TNFAIP8: variants seen among roughly 807,000 people sequenced by gnomAD.
TNFAIP8 encodes tumor necrosis factor alpha-induced protein 8.
In TNFAIP8, 7 loss-of-function variants were observed where a neutral mutation model predicts 13.3. That is an observed-to-expected ratio of 0.52 (90% CI 0.30 to 0.99). TNFAIP8 has a LOEUF of 0.99. TNFAIP8 is among the 50% of genes least tolerant of loss of function. The pLI is 0.07. For synonymous variants in TNFAIP8, 94 were observed against 87.6 expected (o/e 1.07, Z -0.41); for missense variants, 258 against 236.9 (o/e 1.09, Z -0.58).
At chr5:119,312,025 A>G (rs1028522537) in intron 1 of TNFAIP8, among the ~76,000 whole-genome samples, 3 of 152,248 alleles carry the variant, frequency 2.0e-5, no homozygotes, top group Admixed American at 6.5e-5. Context: ...TATATTGACT[A>G]TGAAAGATAC....
intron 1 of TNFAIP8, among the ~76,000 whole-genome samples, chr5:119,310,099 C>T (rs542035927): frequency 6.6e-6 from 1 of 152,296 alleles, no homozygotes; most frequent in African/African-American, 2.4e-5. Flanking sequence ...GAGAGGTTTT[C>T]TTCCCCAAGG....
At position 119,392,195 on chromosome 5, in the gene TNFAIP8, A is replaced by G. The variant is rs939623923; in HGVS notation, c.32-621A>G. On this transcript the variant is annotated intron_variant, in intron 1 of 1. Coordinates refer to ENST00000504771, the MANE Select transcript of TNFAIP8 (RefSeq NM_014350.4). ...AGGTACTTAGGACAGCCAAATTGGT[A>G]GGCACTGGCCAATGTCTTGGGAAAT... is the stretch of plus-strand genomic sequence containing the variant. 1.4e-4 allele frequency among the ~76,000 whole-genome samples: 22 copies of G among 152,360 alleles called. No individual in the cohort carries two copies. The South Asian group carries it at 3.9e-3, about 27-fold the overall frequency.
chr5:119,369,053 TTC>T (rs67787537), intron 1 of TNFAIP8, among the ~76,000 whole-genome samples: 4,279 of 144,186 alleles, frequency 0.03, 195 homozygotes, highest in African/African-American at 0.11. Flanking sequence ...TTCTTTTCTT[TTC>T]TTTTTTTTTT....
At chr5:119,374,371 G>A (rs1752200956) in intron 1 of TNFAIP8, among the ~76,000 whole-genome samples, 1 of 152,212 alleles carries the variant, frequency 6.6e-6, no homozygotes, top group Admixed American at 6.5e-5. Flanking sequence ...AATTTGAGAT[G>A]CTCAACCTGT....
intron 1 of TNFAIP8, among the ~76,000 whole-genome samples, chr5:119,302,448 T>A (rs907996652): frequency 6.6e-6 from 1 of 152,212 alleles, no homozygotes; most frequent in African/African-American, 2.4e-5. Flanking sequence ...TGTTTTCAGC[T>A]AGTCACTGGG....
intron 1 of TNFAIP8, among the ~76,000 whole-genome samples, chr5:119,342,971 C>T (rs965896675): frequency 2.7e-4 from 41 of 152,294 alleles, no homozygotes; most frequent in African/African-American, 9.4e-4. Context: ...GATGTTAGTT[C>T]TTAACTTAAA....
At chr5:119,289,721 C>G (rs888768) in intron 1 of TNFAIP8, among the ~76,000 whole-genome samples, 133,735 of 152,118 alleles carry the variant, frequency 0.88, 58,870 homozygotes, top group East Asian at 0.96. Context: ...TTTACCACCT[C>G]TGACACTTTG....
chr5:119,289,811 T>C (rs1395426803), intron 1 of TNFAIP8, among the ~76,000 whole-genome samples: 1 of 152,242 alleles, frequency 6.6e-6, no homozygotes, highest in East Asian at 1.9e-4. Context: ...GAGATCTCTC[T>C]ATATTTTTGG....
intron 1 of TNFAIP8, among the ~76,000 whole-genome samples, chr5:119,286,769 G>C (rs1748811780): frequency 6.6e-6 from 1 of 152,190 alleles, no homozygotes; most frequent in African/African-American, 2.4e-5. Flanking sequence ...GAATACAAAG[G>C]TGAACTGCAT....
chr5:119,376,999 C>T (rs368466646), intron 1 of TNFAIP8, among the ~76,000 whole-genome samples: 29 of 152,268 alleles, frequency 1.9e-4, no homozygotes, highest in African/African-American at 6.7e-4. Context: ...TGCTGCTTGA[C>T]GTATTTATAT....
intron 1 of TNFAIP8, among the ~76,000 whole-genome samples, chr5:119,317,589 A>ATAATAATAATTAT (rs1335135017): frequency 4.0e-5 from 6 of 148,618 alleles, no homozygotes; most frequent in Non-Finnish European, 7.4e-5. Context: ...TATGATAATA[A>ATAATAATAATTAT]TAATAATAAT....
chr5:119,365,754 G>A (rs1751826739), intron 1 of TNFAIP8, among the ~76,000 whole-genome samples: 1 of 152,106 alleles, frequency 6.6e-6, no homozygotes, highest in Non-Finnish European at 1.5e-5. Context: ...CATCAGTTAT[G>A]AAATATCTAG....
intron 1 of TNFAIP8, among the ~76,000 whole-genome samples, chr5:119,336,944 T>C (rs912679285): frequency 1.3e-5 from 2 of 152,240 alleles, no homozygotes; most frequent in Non-Finnish European, 2.9e-5. Flanking sequence ...AAGCCTTTTT[T>C]TCCCCTTCTA....
At chr5:119,303,312 G>C (rs755866428) in intron 1 of TNFAIP8, among the ~76,000 whole-genome samples, 4 of 152,214 alleles carry the variant, frequency 2.6e-5, no homozygotes, top group South Asian at 2.1e-4. Context: ...TTGGAAGTCA[G>C]AGGCTTGGGT....
At chr5:119,334,247 A>C (rs1159018873) in intron 1 of TNFAIP8, among the ~76,000 whole-genome samples, 4 of 152,090 alleles carry the variant, frequency 2.6e-5, no homozygotes, top group Admixed American at 6.5e-5. Context: ...AGTAGACTTA[A>C]TTTTATTTTT....
intron 1 of TNFAIP8, among the ~76,000 whole-genome samples, chr5:119,318,567 A>G (rs1250435457): frequency 6.6e-6 from 1 of 152,090 alleles, no homozygotes; most frequent in Non-Finnish European, 1.5e-5. Context: ...AAATGCTGAG[A>G]TTACAGACAT....
At chr5:119,325,201 G>A (rs184607165) in intron 1 of TNFAIP8, among the ~76,000 whole-genome samples, 16 of 152,274 alleles carry the variant, frequency 1.1e-4, no homozygotes, top group Non-Finnish European at 1.8e-4. Flanking sequence ...TCATAACCCC[G>A]CGCAGTTTCC....
At chr5:119,370,892 A>G (rs1025332394) in intron 1 of TNFAIP8, among the ~76,000 whole-genome samples, 2 of 152,212 alleles carry the variant, frequency 1.3e-5, no homozygotes, top group African/African-American at 2.4e-5. Flanking sequence ...GGAACCTGGA[A>G]TCTTTTCCTT....
exon 1 of TNFAIP8, chr5:119,268,781 G>T (rs923879551): frequency 4.4e-6 from 3 of 677,276 alleles, no homozygotes; most frequent in Non-Finnish European, 8.0e-6. Context: ...TTCTCCCGCC[G>T]GCTCTAACCC....
Sources: allele counts gnomAD v4.1 joint callset (sites outside exome capture counted in the v4.1 genomes callset), GRCh38; gene constraint gnomAD v4.1.1; transcripts MANE v1.5; gene names NCBI Gene and HGNC (gene_info 2026-07-23, HGNC 2026-07-21).